SEZ6L2: variants seen among roughly 807,000 people sequenced by gnomAD.
SEZ6L2 encodes seizure 6-like protein 2.
A neutral mutation model predicts 97.0 loss-of-function variants in SEZ6L2; 44 were observed. The observed-to-expected ratio is 0.45, with a 90% confidence interval of 0.36 to 0.58. SEZ6L2 has a LOEUF of 0.58. Among genes scored for constraint, SEZ6L2 ranks in the 20% least tolerant of loss-of-function variants. The pLI is 0.00. For synonymous variants in SEZ6L2, 543 were observed against 546.1 expected, an observed-to-expected ratio of 0.99 and a Z score of 0.08; for missense variants, 1,086 against 1,233.3, an observed-to-expected ratio of 0.88 and a Z score of 1.79.
intron 8 of SEZ6L2, among the ~76,000 whole-genome samples, chr16:29,884,089 C>G (rs2068081557): frequency 6.6e-6 from 1 of 152,178 alleles, no homozygotes; most frequent in Non-Finnish European, 1.5e-5. Flanking sequence ...CAGGCCTTCC[C>G]CACTCCCAGT....
chr16:29,878,884 C>T (rs1167412271), intron 9 of SEZ6L2, among the ~76,000 whole-genome samples: 2 of 149,584 alleles, frequency 1.3e-5, no homozygotes, highest in African/African-American at 4.9e-5. Context: ...GGATTACAGG[C>T]GTGAGCCACC....
intron 9 of SEZ6L2, 39 bp downstream of exon 9, chr16:29,879,825 C>T (rs1199950353): frequency 4.5e-6 from 7 of 1,539,836 alleles, no homozygotes; most frequent in African/African-American, 1.4e-5. Context: ...CAGGGGGCAA[C>T]GTGGACTGAA....
At chr16:29,892,378 G>A (rs982713915) in intron 5 of SEZ6L2, among the ~76,000 whole-genome samples, 2 of 152,200 alleles carry the variant, frequency 1.3e-5, no homozygotes, top group African/African-American at 4.8e-5. Context: ...CAGTGCCCTG[G>A]GGAAGTGGCT....
chr16:29,895,560 A>G, intron 4 of SEZ6L2, 100 bp from the exon 5 acceptor site: 1 of 1,427,980 alleles, frequency 7.0e-7, no homozygotes, highest in Non-Finnish European at 9.6e-7. Context: ...GCAGCCCAAA[A>G]GGCACCACGC....
intron 5 of SEZ6L2, among the ~76,000 whole-genome samples, chr16:29,889,225 G>C (rs1326573388): frequency 6.6e-6 from 1 of 152,028 alleles, no homozygotes; most frequent in African/African-American, 2.4e-5. Flanking sequence ...GGTGGATCAC[G>C]AAGTCAGGAG....
rs2067906647 is a variant in SEZ6L2, at chr16:29,876,505, C to T, written c.2104+251G>A. Among the ~76,000 whole-genome samples the T allele has an allele frequency of 1.3e-5, 2 of 149,528 alleles. No homozygotes were observed. Among genetic ancestry groups the T allele is most frequent in the African/African-American group, 4.9e-5 (2 of 40,502 alleles). ...GTGAGACGAGGAAACAGGGACCGAG[C>T]CCAGGTCGGTGCAAGAAAGAGGGAT... On this transcript the variant is annotated intron_variant, in intron 12 of 17. Coordinates refer to ENST00000617533, the MANE Select transcript of SEZ6L2 (RefSeq NM_001243332.2). The surrounding 1 kb of genome is among the most constrained non-coding windows in gnomAD (Gnocchi z 6.5).
chr16:29,890,869 C>T (rs1218776901), intron 5 of SEZ6L2, among the ~76,000 whole-genome samples: 1 of 151,202 alleles, frequency 6.6e-6, no homozygotes, highest in Non-Finnish European at 1.5e-5. Context: ...CTCCCTCAGC[C>T]TCCCAAGTAG....
At position 29,895,414 on chromosome 16, in the gene SEZ6L2, G is replaced by T; in HGVS notation, c.698C>A (p.Ala233Asp). 1.2e-6 allele frequency: 2 copies of T among 1,614,114 alleles called. No homozygotes were observed. Among genetic ancestry groups the T allele is most frequent in the Non-Finnish European group, 1.7e-6 (2 of 1,180,008 alleles). ...LSQEEELLVL[A>D]GGGSPGLAPR... ...GGCCAGGCCTGGGGATCCCCCACCA[G>T]CCAGCACCAGGAGCTCCTCTTCCTG... The change falls in exon 5 of 18, where the codon GCT (alanine) becomes GAT (aspartate). Residue 233 changes from alanine to aspartate, a missense_variant. Physicochemically the swap from Ala to Asp is moderately radical, Grantham distance 126 (BLOSUM62 -2). Coordinates refer to ENST00000617533, the MANE Select transcript of SEZ6L2 (RefSeq NM_001243332.2).
At chr16:29,897,193 G>A (rs1048720307) in intron 2 of SEZ6L2, 72 bp from the exon 3 acceptor site, 13 of 1,285,536 alleles carry the variant, frequency 1.0e-5, no homozygotes, top group Admixed American at 5.4e-5. Context: ...GCAGGGCTGA[G>A]GGAAGCTAGG....
chr16:29,878,162 C>T, intron 10 of SEZ6L2, 125 bp downstream of exon 10: 1 of 1,212,586 alleles, frequency 8.2e-7, no homozygotes, highest in East Asian at 2.6e-5. Context: ...AGTGCACCAG[C>T]CTATCCACCG....
Position 29,873,763 on chromosome 16 carries a change from G to A in SEZ6L2, c.2105-34C>T, listed in dbSNP as rs943740260. On this transcript the variant is annotated intron_variant, in intron 12 of 17. Transcript: ENST00000617533. The surrounding 1 kb of genome is among the most constrained non-coding windows in gnomAD (Gnocchi z 4.3). ...AGAAGAACAAGGTCAGGGGGAGCGA[G>A]GGCCTTCAAAGATCAGCCTGGGCAA... The A allele has an allele frequency of 1.3e-6, 2 of 1,527,802 alleles. No individual in the cohort carries two copies. Among genetic ancestry groups the A allele is most frequent in the Non-Finnish European group, 1.8e-6 (2 of 1,140,794 alleles). 94.6% of individuals were successfully genotyped at this position (1,527,802 alleles called of 1,614,324 possible).
intron 5 of SEZ6L2, among the ~76,000 whole-genome samples, chr16:29,892,360 C>T (rs1296983799): frequency 6.6e-6 from 1 of 152,222 alleles, no homozygotes; most frequent in Non-Finnish European, 1.5e-5. Context: ...CCTAAGGAGT[C>T]CTATTTTCAG....
In SEZ6L2 at chr16:29,877,421, C is replaced by T. The variant is rs773920897; in HGVS notation, c.1759G>A (p.Gly587Ser). Reference protein sequence around the residue: ...GDMLTLFDGDGPSARVLAQLR... With the variant: ...GDMLTLFDGDSPSARVLAQLR... ...TGGGCCAAGACTCGGGCGCTGGGAC[C>T]GTCCCCGTCGAACAGCGTCAGCATG... The change falls in exon 11 of 18, where the codon GGT becomes AGT. Residue 587 changes from glycine to serine, a missense_variant. Physicochemically the swap from Gly to Ser is moderately conservative, Grantham distance 56 (BLOSUM62 0). Transcript: ENST00000617533. 3.1e-6 allele frequency: 5 copies of T among 1,610,600 alleles called. No homozygotes were observed. The highest frequency in any genetic ancestry group is 2.2e-5 in the South Asian group (2 of 90,728).
rs761524187 is a variant in SEZ6L2 at position 29,895,393 on chromosome 16, A to T, written c.719T>A (p.Leu240Gln). The part of the protein sequence containing the change: ...LVLAGGGSPG[L>Q]APRLLANSSM... The stretch of plus-strand genomic sequence containing the variant: ...TGAGTTGGCCAGGAGTCGGGGGGCC[A>T]GGCCTGGGGATCCCCCACCAGCCAG... The change falls in exon 5 of 18, where the codon CTG (leucine) becomes CAG (glutamine). Residue 240 changes from leucine to glutamine, a missense_variant. By Grantham distance (113) the Leu-to-Gln change is moderately radical. Around this residue, in one of 2 missense-constraint regions of SEZ6L2, gnomAD observed 776 missense variants for 794.7 expected, o/e 0.98. Coordinates refer to ENST00000617533, the MANE Select transcript of SEZ6L2 (RefSeq NM_001243332.2). 23 of 1,613,932 alleles carry T rather than the reference A, an allele frequency of 1.4e-5. No individual in the cohort carries two copies. In the South Asian group the frequency reaches 2.4e-4, roughly 17 times the overall value.
intron 7 of SEZ6L2, 85 bp from the exon 8 acceptor site, chr16:29,885,834 T>C: frequency 7.3e-7 from 1 of 1,364,692 alleles, no homozygotes; most frequent in South Asian, 1.4e-5. Flanking sequence ...CTTATTTTTA[T>C]AGCTGTTATC....
chr16:29,898,925 A>T lies in SEZ6L2; in HGVS notation c.79+16T>A. 1.2e-6 allele frequency: 2 copies of T among 1,601,010 alleles called. No homozygotes were observed. Among genetic ancestry groups the T allele is most frequent in the East Asian group, 4.5e-5 (2 of 44,358 alleles). On this transcript the variant is annotated intron_variant, in intron 1 of 17. Transcript: ENST00000617533. ...ACGCCTTCCTGGGGCCCACCCCCACAGTCTCATGTCCTTACCCTGGATCCA... is the reference window on the plus strand; with the variant it reads ...ACGCCTTCCTGGGGCCCACCCCCACTGTCTCATGTCCTTACCCTGGATCCA...
At chr16:29,878,685 C>T (rs977800654) in intron 9 of SEZ6L2, among the ~76,000 whole-genome samples, 13 of 148,438 alleles carry the variant, frequency 8.8e-5, no homozygotes, top group African/African-American at 2.0e-4. Context: ...CCCTGGTTCA[C>T]GCCATTCTCC....
intron 8 of SEZ6L2, among the ~76,000 whole-genome samples, chr16:29,882,329 C>T (rs1032481554): frequency 6.6e-6 from 1 of 151,980 alleles, no homozygotes; most frequent in African/African-American, 2.4e-5. Context: ...GTAATCCCCC[C>T]ACTTTGGGAG....
At position 29,873,610 on chromosome 16, in the gene SEZ6L2, C is replaced by T. The variant is rs1596957096; in HGVS notation, c.2224G>A (p.Ala742Thr). The change falls in exon 13 of 18, where the codon GCA becomes ACA. Residue 742 changes from alanine (A) to threonine (T), a missense_variant. By Grantham distance (58) the Ala-to-Thr change is moderately conservative. Around this residue, in one of 2 missense-constraint regions of SEZ6L2, gnomAD observed 310 missense variants for 438.6 expected, o/e 0.71. Coordinates refer to ENST00000617533, the MANE Select transcript of SEZ6L2 (RefSeq NM_001243332.2). This position sits in a 1 kb window ranked among gnomAD's most constrained non-coding sequence, Gnocchi z 4.3. ...RCLPGYSLEG[A>T]AMLTCYSRDT... ...CGGCTGTAGCAGGTGAGCATGGCTG[C>T]CCCCTCGAGGCTGTACCCTGGCAGG... is the stretch of plus-strand genomic sequence containing the variant. 6.2e-7 allele frequency: 1 copy of T among 1,614,040 alleles called. No individual in the cohort carries two copies. The highest frequency in any genetic ancestry group is 8.5e-7 in the Non-Finnish European group (1 of 1,180,000).
Sources: gnomAD v4.1 joint callset for allele counts (sites outside exome capture counted in the v4.1 genomes callset) on GRCh38, gnomAD v4.1.1 for gene constraint, gnomAD v4.1.1 regional missense constraint, Gnocchi (gnomAD v3.1) non-coding constraint, MANE v1.5 for transcripts, NCBI Gene and HGNC (gene_info 2026-07-23, HGNC 2026-07-21) for gene names.